TCAF1: variants seen among roughly 807,000 people sequenced by gnomAD.
TCAF1 encodes TRPM8 channel-associated factor 1.
In TCAF1, 4 loss-of-function variants were observed where a neutral mutation model predicts 27.3. The observed-to-expected ratio is 0.15, with a 90% CI of 0.07 to 0.34. The LOEUF is 0.34. Ranked by LOEUF, TCAF1 falls within the 10% of genes least tolerant of loss-of-function variation. The pLI is 1.00. For missense variants in TCAF1, 257 were observed against 425.8 expected (o/e 0.60, Z 3.49); for synonymous variants, 105 against 167.1 (o/e 0.63, Z 2.87).
intron 1 of TCAF1, among the ~76,000 whole-genome samples, chr7:143,899,696 A>C (rs1195504724): frequency 2.0e-5 from 3 of 152,242 alleles, no homozygotes; most frequent in Non-Finnish European, 4.4e-5. Context: ...AGAGAGAAAG[A>C]AAACCTCAAA....
chr7:143,898,156 T>C (rs1243675431), intron 1 of TCAF1, among the ~76,000 whole-genome samples: 3 of 152,124 alleles, frequency 2.0e-5, no homozygotes, highest in Non-Finnish European at 4.4e-5. Flanking sequence ...AAAACATCCA[T>C]TTATAATAAA....
intron 1 of TCAF1, chr7:143,885,509 A>C: frequency 2.0e-6 from 2 of 985,448 alleles, no homozygotes; most frequent in Non-Finnish European, 2.4e-6. Flanking sequence ...ATGGAGACCC[A>C]GACGCCCGCC....
At chr7:143,880,678 C>A (rs1329936307) in intron 1 of TCAF1, among the ~76,000 whole-genome samples, 2 of 152,142 alleles carry the variant, frequency 1.3e-5, no homozygotes, top group Non-Finnish European at 2.9e-5. Flanking sequence ...GCTCACTGGA[C>A]CTAAAAGGTC....
rs73725413 is a variant in TCAF1 at position 143,886,092 on chromosome 7, C to T, written c.-14-9470G>A. On this transcript the variant is annotated intron_variant, in intron 1 of 8. Transcript: ENST00000479870. ...GAGCAGGAACTGGCTTTATGCCTGACCAGGTCCTGCACTCGCATCTACTCA... is the reference window on the plus strand; with the variant it reads ...GAGCAGGAACTGGCTTTATGCCTGATCAGGTCCTGCACTCGCATCTACTCA... 9.1e-3 allele frequency among the ~76,000 whole-genome samples: 1,384 copies of T among 152,276 alleles called. 25 individuals are homozygous for T. The highest frequency in any genetic ancestry group is 0.031 in the African/African-American group (1,297 of 41,540).
chr7:143,895,989 AAAT>A (rs1000919222), intron 1 of TCAF1, among the ~76,000 whole-genome samples: 3 of 151,804 alleles, frequency 2.0e-5, no homozygotes, highest in Non-Finnish European at 4.4e-5. Flanking sequence ...AATAAAAAGC[AAAT>A]AATAAGATGG....
chr7:143,883,803 C>T (rs373760178), intron 1 of TCAF1, among the ~76,000 whole-genome samples: 1 of 152,156 alleles, frequency 6.6e-6, no homozygotes, highest in Admixed American at 6.5e-5. Context: ...CCATCGTGCC[C>T]GCTCCCCATT....
At chr7:143,892,562 A>G (rs1813691252) in intron 1 of TCAF1, among the ~76,000 whole-genome samples, 1 of 146,930 alleles carries the variant, frequency 6.8e-6, no homozygotes, top group Non-Finnish European at 1.5e-5. Flanking sequence ...AAGGAGTGTC[A>G]CCGTTGCCAG....
At chr7:143,888,982 A>G (rs1163557354) in intron 1 of TCAF1, among the ~76,000 whole-genome samples, 1 of 152,176 alleles carries the variant, frequency 6.6e-6, no homozygotes, top group African/African-American at 2.4e-5. Context: ...AAAAAGAATC[A>G]AAACTAGAAA....
chr7:143,901,093 C>G (rs143455778), intron 1 of TCAF1, among the ~76,000 whole-genome samples: 4 of 152,220 alleles, frequency 2.6e-5, no homozygotes, highest in African/African-American at 9.6e-5. Context: ...ACTGTGACGC[C>G]CTATTTCTTG....
intron 2 of TCAF1, 134 bp downstream of exon 2, chr7:143,875,855 C>G (rs1812665683): frequency 4.2e-6 from 3 of 714,736 alleles, no homozygotes; most frequent in Non-Finnish European, 6.6e-6. Flanking sequence ...TTTAAAAAAT[C>G]TAGTTGATAT....
In TCAF1 at chr7:143,853,411, GT is replaced by G. The variant is rs1811425452; in HGVS notation, c.*721del. On this transcript the variant is annotated 3_prime_UTR_variant, in exon 9 of 9. Coordinates refer to ENST00000479870, the MANE Select transcript of TCAF1 (RefSeq NM_014719.3). ...AAAATTAAGTTATTCTTTCCACATT[GT>G]CTTTGTTTCCCTCAGAGTTTGTCAT... The G allele has an allele frequency of 9.9e-6, 1 of 101,496 alleles. No homozygotes were observed. The highest frequency in any genetic ancestry group is 2.1e-5 in the Non-Finnish European group (1 of 47,452). 6.3% of individuals were successfully genotyped at this position (101,496 alleles called of 1,614,324 possible). A position where few individuals can be genotyped will look rare whatever the true frequency, so the allele number is the denominator to read the frequency against.
At chr7:143,899,809 C>G (rs893142897) in intron 1 of TCAF1, among the ~76,000 whole-genome samples, 36 of 152,106 alleles carry the variant, frequency 2.4e-4, no homozygotes, top group Admixed American at 2.2e-3. Context: ...AAAAGGTAAA[C>G]AAACAATCCA....
chr7:143,859,526 T>TAG (rs1382903580), intron 6 of TCAF1, among the ~76,000 whole-genome samples: 1 of 141,848 alleles, frequency 7.0e-6, no homozygotes, highest in African/African-American at 2.7e-5. Flanking sequence ...TCTTTAAGGG[T>TAG]AGCTCCTCTC....
At chr7:143,883,500 CTTTTTTT>C (rs374825743) in intron 1 of TCAF1, among the ~76,000 whole-genome samples, 41 of 98,076 alleles carry the variant, frequency 4.2e-4, no homozygotes, top group Admixed American at 1.7e-3. Context: ...TTTCCTTTTT[CTTTTTTT>C]TTTTTTTTTT....
At position 143,851,738 on chromosome 7, in the gene TCAF1, A is replaced by G. The variant is rs1441364288; in HGVS notation, c.*2395T>C. On this transcript the variant is annotated 3_prime_UTR_variant, in exon 9 of 9. Coordinates refer to ENST00000479870, the MANE Select transcript of TCAF1 (RefSeq NM_014719.3). Reference sequence around the variant, plus strand: ...ACTTTTTAATACATCTATTGGTTTGATTTTATAGCTTTGAACAATACACTA... The same window carrying G: ...ACTTTTTAATACATCTATTGGTTTGGTTTTATAGCTTTGAACAATACACTA... The G allele has an allele frequency of 6.6e-6, 1 of 152,052 alleles. No individual in the cohort carries two copies. Among genetic ancestry groups the G allele is most frequent in the Non-Finnish European group, 1.5e-5 (1 of 68,032 alleles). The allele number at this position is 152,052 out of a possible 1,614,324, so 9.4% of individuals were successfully genotyped here.
At chr7:143,899,444 G>A (rs533690769) in intron 1 of TCAF1, among the ~76,000 whole-genome samples, 1 of 152,252 alleles carries the variant, frequency 6.6e-6, no homozygotes, top group South Asian at 2.1e-4. Flanking sequence ...ACTGGTGCTG[G>A]GGCAACAGAT....
chr7:143,859,889 AATAT>A (rs1554485695), intron 6 of TCAF1, among the ~76,000 whole-genome samples: 4 of 86,742 alleles, frequency 4.6e-5, no homozygotes, highest in African/African-American at 1.8e-4. Flanking sequence ...ACATATATAT[AATAT>A]ATATTATATA....
chr7:143,857,232 TG>T lies in TCAF1; in HGVS notation c.2623del (p.His875ThrfsTer37). ...CGGAGCCAGGTTCTTCTGCACTTGG[TG>T]GGAGAACATCTTGACCCACAGATTC... The part of the protein sequence containing the change: ...KMNLWVKMFS[H>X]QVQKNLAPFF... On this transcript the variant is annotated frameshift_variant, in exon 8 of 9. Coordinates refer to ENST00000479870, the MANE Select transcript of TCAF1 (RefSeq NM_014719.3). LOFTEE classifies it high-confidence loss of function. 1 of 842,438 alleles carries T rather than the reference TG, an allele frequency of 1.2e-6. No individual in the cohort carries two copies. Among genetic ancestry groups the T allele is most frequent in the African/African-American group, 1.8e-5 (1 of 56,768 alleles). 52.2% of individuals were successfully genotyped at this position (842,438 alleles called of 1,614,324 possible). A position where few individuals can be genotyped will look rare whatever the true frequency, so the allele number is the denominator to read the frequency against.
intron 1 of TCAF1, among the ~76,000 whole-genome samples, chr7:143,893,299 G>T (rs1813734120): frequency 6.6e-6 from 1 of 152,018 alleles, no homozygotes; most frequent in Non-Finnish European, 1.5e-5. Flanking sequence ...AAGAAGAAAA[G>T]ACAAGTCCAC....
Sources: gnomAD v4.1 joint callset for allele counts (sites outside exome capture counted in the v4.1 genomes callset) on GRCh38, gnomAD v4.1.1 for gene constraint, MANE v1.5 for transcripts, NCBI Gene and HGNC (gene_info 2026-07-23, HGNC 2026-07-21) for gene names.